The following NCK1 variants were observed in gnomAD, a reference collection of about 807,000 sequenced individuals.
The protein encoded by NCK1 is SH2/SH3 adapter protein NCK1.
In NCK1, 19 loss-of-function variants were observed where a neutral mutation model predicts 36.6. The observed-to-expected ratio is 0.52, with a 90% CI of 0.36 to 0.76. The LOEUF (loss-of-function observed/expected upper bound fraction) is 0.76, where lower values mean the gene tolerates loss of function less well. Among genes scored for constraint, NCK1 ranks in the 30% least tolerant of loss-of-function variants. NCK1 has a pLI of 0.00. For missense variants in NCK1, 358 were observed against 445.6 expected (o/e 0.80, Z 1.77); for synonymous variants, 165 against 156.0 (o/e 1.06, Z -0.43).
intron 1 of NCK1, among the ~76,000 whole-genome samples, chr3:136,897,984 C>T (rs1295000514): frequency 6.6e-6 from 1 of 152,162 alleles, no homozygotes; most frequent in Non-Finnish European, 1.5e-5. Context: ...TTTCTGAAGA[C>T]TGGCTTAACA....
intron 1 of NCK1, among the ~76,000 whole-genome samples, chr3:136,875,593 G>T (rs1233104905): frequency 1.3e-5 from 2 of 152,092 alleles, no homozygotes; most frequent in Admixed American, 1.3e-4. Flanking sequence ...AATTCAACAC[G>T]AAGAGCTAAC....
At chr3:136,944,137 T>TTTTTTTTTTTTTA (rs1940748545) in intron 2 of NCK1, among the ~76,000 whole-genome samples, 1 of 136,828 alleles carries the variant, frequency 7.3e-6, no homozygotes, top group Non-Finnish European at 1.6e-5. Context: ...TTTTTTTTTT[T>TTTTTTTTTTTTTA]GAGACAGAGT....
intron 1 of NCK1, among the ~76,000 whole-genome samples, chr3:136,870,440 G>A (rs984774372): frequency 6.6e-6 from 1 of 151,430 alleles, no homozygotes; most frequent in African/African-American, 2.4e-5. Flanking sequence ...AACAAATACT[G>A]TAATATGTTG....
Position 136,946,005 on chromosome 3 carries a change from A to G in NCK1, c.649A>G (p.Met217Val). The G allele has an allele frequency of 6.2e-7, 1 of 1,614,036 alleles. No individual in the cohort carries two copies. Among genetic ancestry groups the G allele is most frequent in the Non-Finnish European group, 8.5e-7 (1 of 1,179,982 alleles). Residue 217 changes from methionine (M) to valine (V), a missense_variant, in exon 3 of 4, where the codon ATG becomes GTG. Coordinates refer to ENST00000481752, the MANE Select transcript of NCK1 (RefSeq NM_001291999.2). Reference sequence around the variant, plus strand: ...ACTTAATTTCGAGAAAGGAGATGTAATGGATGTTATTGAAAAACCTGAAAA... The same window carrying G: ...ACTTAATTTCGAGAAAGGAGATGTAGTGGATGTTATTGAAAAACCTGAAAA... ...EELNFEKGDV[M>V]DVIEKPENDP...
intron 2 of NCK1, among the ~76,000 whole-genome samples, chr3:136,944,385 T>A (rs1372938223): frequency 6.6e-6 from 1 of 152,136 alleles, no homozygotes; most frequent in East Asian, 1.9e-4. Context: ...CCCAGAATGC[T>A]GGGATTACTG....
Position 136,890,184 on chromosome 3 carries a change from G to A in NCK1, c.-19+27831G>A, listed in dbSNP as rs567736206. ...GGCCCGGCAAGAAATCGAGCGCAGCGCTGGTGGGCTGGCATTGCTGGGGGA... is the reference window on the plus strand; with the variant it reads ...GGCCCGGCAAGAAATCGAGCGCAGCACTGGTGGGCTGGCATTGCTGGGGGA... On this transcript the variant is annotated intron_variant, in intron 1 of 3. Transcript: ENST00000481752. Among the ~76,000 whole-genome samples the A allele has an allele frequency of 6.6e-4, 100 of 152,304 alleles. No individual in the cohort carries two copies. In the South Asian group the frequency reaches 0.02, roughly 30 times the overall value.
At chr3:136,912,959 C>T (rs150677401) in intron 1 of NCK1, among the ~76,000 whole-genome samples, 1 of 151,912 alleles carries the variant, frequency 6.6e-6, no homozygotes, top group Non-Finnish European at 1.5e-5. Flanking sequence ...CACCCAGCCT[C>T]CTTTGAGGTT....
intron 2 of NCK1, among the ~76,000 whole-genome samples, chr3:136,934,583 T>TC (rs1462336473): frequency 6.6e-6 from 1 of 151,836 alleles, no homozygotes; most frequent in Non-Finnish European, 1.5e-5. Context: ...ACCGCGCCTG[T>TC]CCTGTTGTAC....
intron 1 of NCK1, among the ~76,000 whole-genome samples, chr3:136,902,198 T>TCG (rs1939561251): frequency 7.6e-6 from 1 of 131,502 alleles, no homozygotes; most frequent in South Asian, 2.4e-4. Flanking sequence ...TTTTTTTTTT[T>TCG]TTTTGTTTTT....
At chr3:136,864,227 T>C (rs1393594957) in intron 1 of NCK1, among the ~76,000 whole-genome samples, 2 of 151,974 alleles carry the variant, frequency 1.3e-5, no homozygotes, top group East Asian at 3.9e-4. Flanking sequence ...GCTCGGTGGC[T>C]CACGCCTGTA....
intron 1 of NCK1, among the ~76,000 whole-genome samples, chr3:136,865,555 T>A (rs1248845656): frequency 6.6e-6 from 1 of 152,218 alleles, no homozygotes; most frequent in Non-Finnish European, 1.5e-5. Flanking sequence ...ACAGATACAG[T>A]TCATTTTTAA....
At chr3:136,921,578 G>GTGT (rs1940111733) in intron 1 of NCK1, among the ~76,000 whole-genome samples, 1 of 152,184 alleles carries the variant, frequency 6.6e-6, no homozygotes, top group African/African-American at 2.4e-5. Context: ...CCCAGTACTT[G>GTGT]TGTTGGTCCA....
At chr3:136,925,565 T>C (rs1347981737) in intron 1 of NCK1, among the ~76,000 whole-genome samples, 2 of 152,254 alleles carry the variant, frequency 1.3e-5, no homozygotes, top group Non-Finnish European at 2.9e-5. Flanking sequence ...AATCTGTTTC[T>C]AATTTCCATA....
At chr3:136,908,688 T>A (rs1183642554) in intron 1 of NCK1, among the ~76,000 whole-genome samples, 2 of 152,206 alleles carry the variant, frequency 1.3e-5, no homozygotes, top group Admixed American at 6.5e-5. Flanking sequence ...ACAATATATA[T>A]TTTTTACTGT....
intron 1 of NCK1, among the ~76,000 whole-genome samples, chr3:136,876,042 C>T (rs1275443683): frequency 6.6e-6 from 1 of 151,488 alleles, no homozygotes; most frequent in East Asian, 1.9e-4. Flanking sequence ...ACAACCTGCT[C>T]CTGAATGACT....
At chr3:136,878,474 G>T (rs1938836759) in intron 1 of NCK1, among the ~76,000 whole-genome samples, 1 of 152,154 alleles carries the variant, frequency 6.6e-6, no homozygotes, top group Non-Finnish European at 1.5e-5. Context: ...TTTGTATGAA[G>T]TATCCAGAAA....
In NCK1 at chr3:136,867,253, GTC is replaced by G. The variant is rs34349896; in HGVS notation, c.-19+4912_-19+4913del. 1.9e-4 allele frequency among the ~76,000 whole-genome samples: 22 copies of G among 114,448 alleles called. 3 individuals are homozygous for G. Among genetic ancestry groups the G allele is most frequent in the African/African-American group, 3.3e-4 (10 of 29,998 alleles). The allele number at this position is 114,448 out of a possible 152,430, so 75.1% of individuals were successfully genotyped here. ...CATCCATCCGTCTGTCCGTCCGTCTGTCTCTCTCTCTCTTTCTTTCTTTCTTC... is the reference window on the plus strand; with the variant it reads ...CATCCATCCGTCTGTCCGTCCGTCTGTCTCTCTCTCTTTCTTTCTTTCTTC... On this transcript the variant is annotated intron_variant, in intron 1 of 3. Coordinates refer to ENST00000481752, the MANE Select transcript of NCK1 (RefSeq NM_001291999.2).
At chr3:136,923,279 GGC>G (rs780973859) in intron 1 of NCK1, among the ~76,000 whole-genome samples, 111 of 147,672 alleles carry the variant, frequency 7.5e-4, no homozygotes, top group Admixed American at 7.7e-4. Context: ...GTCCAGGCCG[GGC>G]GCGGTGGCTC....
chr3:136,923,610 G>A (rs1227434649), intron 1 of NCK1, among the ~76,000 whole-genome samples: 1 of 143,062 alleles, frequency 7.0e-6, no homozygotes, highest in Non-Finnish European at 1.5e-5. Context: ...GTCCAGTGGG[G>A]TGGATGGGAG....
Sources: allele counts gnomAD v4.1 joint callset (sites outside exome capture counted in the v4.1 genomes callset), GRCh38; gene constraint gnomAD v4.1.1; transcripts MANE v1.5; gene names NCBI Gene and HGNC (gene_info 2026-07-23, HGNC 2026-07-21).